The following FAM227B variants were observed in gnomAD, a reference collection of about 807,000 sequenced individuals.
FAM227B encodes the protein family with sequence similarity 227 member B.
A neutral mutation model predicts 73.8 loss-of-function variants in FAM227B; 88 were observed. The observed-to-expected ratio is 1.19, with a 90% CI of 1.00 to 1.42. The LOEUF is 1.42. Among genes scored for constraint, FAM227B ranks in the 40% most tolerant of loss-of-function variants. FAM227B has a pLI of 0.00. For synonymous variants in FAM227B, 210 were observed against 190.5 expected, an observed-to-expected ratio of 1.10 and a Z score of -0.84; for missense variants, 632 against 590.9, an observed-to-expected ratio of 1.07 and a Z score of -0.72.
chr15:49,365,703 A>G (rs2045039497), intron 13 of FAM227B: 2 of 909,416 alleles, frequency 2.2e-6, no homozygotes, highest in African/African-American at 1.6e-5. Context: ...TTTTAATTAA[A>G]TTCAGACAGA....
chr15:49,380,732 AT>A (rs1197395063), intron 11 of FAM227B, among the ~76,000 whole-genome samples: 1 of 150,316 alleles, frequency 6.7e-6, no homozygotes, highest in Admixed American at 6.6e-5. Context: ...TCTGCCCTTT[AT>A]TTTTTTCTAC....
chr15:49,513,419 C>G (rs12903199), intron 10 of FAM227B, among the ~76,000 whole-genome samples: 134,920 of 152,264 alleles, frequency 0.89, 61,150 homozygotes, highest in Non-Finnish European at 0.98. Context: ...AGAAGTGTCT[C>G]TTCATATCCT....
intron 10 of FAM227B, among the ~76,000 whole-genome samples, chr15:49,514,623 A>C (rs1302343276): frequency 6.6e-6 from 1 of 152,040 alleles, no homozygotes; most frequent in African/African-American, 2.4e-5. Context: ...CTTTTCAGTG[A>C]ATTTTCAGCT....
intron 5 of FAM227B, among the ~76,000 whole-genome samples, chr15:49,585,254 C>G: frequency 6.6e-6 from 1 of 152,136 alleles, no homozygotes; most frequent in East Asian, 1.9e-4. Context: ...GGACTGTAAA[C>G]TAGTTCAACC....
In FAM227B at chr15:49,508,349, C is replaced by T; in HGVS notation, c.875-1G>A. ...CAAAAGCCTTTTTGAGGTTTTAAACCTGTTAATATAAAATACATATTTAGC... is the reference window on the plus strand; with the variant it reads ...CAAAAGCCTTTTTGAGGTTTTAAACTTGTTAATATAAAATACATATTTAGC... On this transcript the variant is annotated splice_acceptor_variant, in intron 10 of 15. Coordinates refer to ENST00000299338, the MANE Select transcript of FAM227B (RefSeq NM_152647.3). LOFTEE classifies it high-confidence loss of function. 6.4e-7 allele frequency: 1 copy of T among 1,570,402 alleles called. No individual in the cohort carries two copies. Among genetic ancestry groups the T allele is most frequent in the South Asian group, 1.2e-5 (1 of 83,396 alleles).
At chr15:49,569,535 A>T (rs57402896) in intron 8 of FAM227B, among the ~76,000 whole-genome samples, 2,229 of 152,020 alleles carry the variant, frequency 0.015, 71 homozygotes, top group African/African-American at 0.052. Flanking sequence ...GTTTATTTAT[A>T]GGGTACAATG....
intron 13 of FAM227B, among the ~76,000 whole-genome samples, chr15:49,360,460 AT>A (rs1382511110): frequency 6.6e-6 from 1 of 152,148 alleles, no homozygotes; most frequent in Non-Finnish European, 1.5e-5. Flanking sequence ...TGAGTTTTCA[AT>A]TTTTTAAATA....
intron 11 of FAM227B, among the ~76,000 whole-genome samples, chr15:49,395,564 T>C (rs1166514750): frequency 6.6e-6 from 1 of 152,134 alleles, no homozygotes; most frequent in Non-Finnish European, 1.5e-5. Context: ...AGATGAACCA[T>C]CAGAACTTTG....
chr15:49,502,558 C>G (rs1206493259), intron 11 of FAM227B, among the ~76,000 whole-genome samples: 7 of 152,218 alleles, frequency 4.6e-5, no homozygotes, highest in Non-Finnish European at 7.3e-5. Context: ...TGCCTATACT[C>G]CCATCGTATT....
At chr15:49,406,716 G>GCA (rs147866943) in intron 11 of FAM227B, among the ~76,000 whole-genome samples, 68 of 151,290 alleles carry the variant, frequency 4.5e-4, no homozygotes, top group East Asian at 2.3e-3. Context: ...ACAGAGACGT[G>GCA]CACACACACA....
intron 8 of FAM227B, among the ~76,000 whole-genome samples, chr15:49,569,257 C>T (rs990827443): frequency 1.3e-5 from 2 of 148,682 alleles, no homozygotes; most frequent in South Asian, 2.2e-4. Context: ...TATAGTCTTC[C>T]CTATTTTTTA....
chr15:49,510,565 G>T (rs1597739478), intron 10 of FAM227B, among the ~76,000 whole-genome samples: 1 of 152,184 alleles, frequency 6.6e-6, no homozygotes, highest in East Asian at 1.9e-4. Context: ...CCCAAAGCCT[G>T]CCAATGTGCT....
In FAM227B at chr15:49,587,866, A is replaced by T. The variant is rs117442553; in HGVS notation, c.405+150T>A. 8.4e-3 allele frequency: 5,062 copies of T among 605,572 alleles called. 31 individuals are homozygous for T. The highest frequency in any genetic ancestry group is 0.016 in the Middle Eastern group (45 of 2,734). The allele number at this position is 605,572 out of a possible 1,614,324, so 37.5% of individuals were successfully genotyped here. A position where few individuals can be genotyped will look rare whatever the true frequency, so the allele number is the denominator to read the frequency against. On this transcript the variant is annotated intron_variant, in intron 5 of 15. Coordinates refer to ENST00000299338, the MANE Select transcript of FAM227B (RefSeq NM_152647.3). Reference sequence around the variant, plus strand: ...CTGAGTATGAAAAGAAAGTAAGTGCAGCTATCTTTAAAACATAGAGATAGA... The same window carrying T: ...CTGAGTATGAAAAGAAAGTAAGTGCTGCTATCTTTAAAACATAGAGATAGA...
intron 9 of FAM227B, among the ~76,000 whole-genome samples, chr15:49,558,267 C>T (rs1165936109): frequency 6.6e-6 from 1 of 152,166 alleles, no homozygotes; most frequent in East Asian, 1.9e-4. Context: ...GTGCAGCAGC[C>T]CTGGATCCAC....
At chr15:49,413,080 C>G (rs1327437052) in intron 11 of FAM227B, among the ~76,000 whole-genome samples, 1 of 152,050 alleles carries the variant, frequency 6.6e-6, no homozygotes, top group Non-Finnish European at 1.5e-5. Flanking sequence ...ACCTTGACTC[C>G]TCTTTGTCTC....
intron 11 of FAM227B, among the ~76,000 whole-genome samples, chr15:49,392,634 C>G (rs1308804291): frequency 6.6e-6 from 1 of 152,106 alleles, no homozygotes; most frequent in Non-Finnish European, 1.5e-5. Flanking sequence ...AGTGGTTATC[C>G]AAGTGTAAGA....
Position 49,384,781 on chromosome 15 carries a change from T to C in FAM227B, c.1013-13382A>G, listed in dbSNP as rs200010104. Among the ~76,000 whole-genome samples, 11 of 152,162 alleles carry C rather than the reference T, an allele frequency of 7.2e-5. No individual in the cohort carries two copies. In the East Asian group the frequency reaches 2.1e-3, roughly 29 times the overall value. On this transcript the variant is annotated intron_variant, in intron 11 of 15. Transcript: ENST00000299338. ...AATGACAACAATATGTACTAAAGTA[T>C]TAATAATTCCCTTAAATATTTCTCC...
At chr15:49,465,261 GTGGGATTACAGGCACC>G (rs1368022576) in intron 11 of FAM227B, among the ~76,000 whole-genome samples, 1 of 151,420 alleles carries the variant, frequency 6.6e-6, no homozygotes, top group East Asian at 1.9e-4. Flanking sequence ...TCCCAAGTAG[GTGGGATTACAGGCACC>G]TGCCACCATG....
chr15:49,614,933 T>C, intron 2 of FAM227B, 188 bp downstream of exon 2: 1 of 623,786 alleles, frequency 1.6e-6, no homozygotes. Context: ...CAGCACCCTA[T>C]TAAAGCTTTC....
Sources: gnomAD v4.1 joint callset for allele counts (sites outside exome capture counted in the v4.1 genomes callset) on GRCh38, gnomAD v4.1.1 for gene constraint, MANE v1.5 for transcripts, NCBI Gene and HGNC (gene_info 2026-07-23, HGNC 2026-07-21) for gene names.